ZBTB16: variants seen among roughly 807,000 people sequenced by gnomAD.
The protein encoded by ZBTB16 is zinc finger and BTB domain containing 16, also known as zinc finger and BTB domain-containing protein 16.
Under a neutral mutation model 56.8 loss-of-function variants are expected in ZBTB16, and 8 were observed. That is an observed-to-expected ratio of 0.14 (90% CI 0.08 to 0.25). ZBTB16 has a LOEUF of 0.25. Among genes scored for constraint, ZBTB16 ranks in the 10% least tolerant of loss-of-function variants. ZBTB16 has a pLI of 1.00. For synonymous variants in ZBTB16, 363 were observed against 368.5 expected, an observed-to-expected ratio of 0.98 and a Z score of 0.17; for missense variants, 625 against 903.0, an observed-to-expected ratio of 0.69 and a Z score of 3.95.
At chr11:114,217,841 G>A (rs2135144384) in intron 4 of ZBTB16, among the ~76,000 whole-genome samples, 1 of 152,300 alleles carries the variant, frequency 6.6e-6, no homozygotes, top group South Asian at 2.1e-4. Flanking sequence ...TAGGCTCCCT[G>A]GAAGGTGAGG....
rs953285337 is a variant in ZBTB16 at position 114,252,754 on chromosome 11, G to A, written c.*2199G>A. Among the ~76,000 whole-genome samples, 6 of 152,120 alleles carry A rather than the reference G, an allele frequency of 3.9e-5. No homozygotes were observed. The highest frequency in any genetic ancestry group is 2.1e-4 in the South Asian group (1 of 4,826). On this transcript the variant is annotated 3_prime_UTR_variant, in exon 7 of 7. Coordinates refer to ENST00000335953, the MANE Select transcript of ZBTB16 (RefSeq NM_006006.6). ...GGATCACGAGGAATGTAGGGAAGCC[G>A]GAGGGATGGGTGCTGCTGCGACGAC... is the stretch of plus-strand genomic sequence containing the variant.
At chr11:114,076,304 G>C (rs895949538) in intron 2 of ZBTB16, among the ~76,000 whole-genome samples, 4 of 152,192 alleles carry the variant, frequency 2.6e-5, no homozygotes, top group Admixed American at 1.3e-4. Flanking sequence ...CGAAGGACTA[G>C]AGTGGCCAGC....
intron 2 of ZBTB16, among the ~76,000 whole-genome samples, chr11:114,109,270 C>G (rs1055535335): frequency 1.3e-5 from 2 of 152,224 alleles, no homozygotes; most frequent in African/African-American, 4.8e-5. Context: ...ATAGAAAATG[C>G]TGGTTCCCCA....
chr11:114,236,748 A>G (rs1191377332), intron 4 of ZBTB16, among the ~76,000 whole-genome samples: 2 of 152,324 alleles, frequency 1.3e-5, no homozygotes, highest in African/African-American at 4.8e-5. Context: ...TTCAACATGC[A>G]GTTATTAAGT....
At chr11:114,216,892 C>T (rs1944113137) in intron 4 of ZBTB16, among the ~76,000 whole-genome samples, 1 of 152,118 alleles carries the variant, frequency 6.6e-6, no homozygotes. Flanking sequence ...GGAAGACAGA[C>T]ACATAAACAG....
intron 3 of ZBTB16, among the ~76,000 whole-genome samples, chr11:114,183,554 C>T (rs151249208): frequency 1.2e-4 from 18 of 152,344 alleles, no homozygotes; most frequent in Non-Finnish European, 2.6e-4. Context: ...GGGCTTCTCG[C>T]CGATTGGAGT....
chr11:114,063,865 A>G lies in ZBTB16; in HGVS notation c.565A>G (p.Thr189Ala), dbSNP rs111746546. The part of the protein sequence containing the change: ...PMVDQSPSVS[T>A]SFGLSAMSPT... The stretch of plus-strand genomic sequence containing the variant: ...GGTGGACCAGAGCCCTTCAGTCTCC[A>G]CTTCATTTGGTCTTTCAGCCATGAG... Residue 189 changes from threonine (T) to alanine (A), a missense_variant, in exon 2 of 7, where the codon ACT becomes GCT. By Grantham distance (58) the Thr-to-Ala change is moderately conservative (BLOSUM62 0). This residue lies in a region of ZBTB16 where 384 missense variants were observed against 393.5 expected (regional missense o/e 0.98). Coordinates refer to ENST00000335953, the MANE Select transcript of ZBTB16 (RefSeq NM_006006.6). This position sits in a 1 kb window ranked among gnomAD's most constrained non-coding sequence, Gnocchi z 6.5. 1.9e-4 allele frequency: 314 copies of G among 1,614,112 alleles called. 1 individual carries two copies. The highest frequency in any genetic ancestry group is 1.8e-3 in the Admixed American group (106 of 60,024).
Position 114,250,649 on chromosome 11 carries a change from G to T in ZBTB16, c.*94G>T. 3 of 1,004,530 alleles carry T rather than the reference G, an allele frequency of 3.0e-6. No individual in the cohort carries two copies. The highest frequency in any genetic ancestry group is 2.8e-6 in the Non-Finnish European group (2 of 716,800). The allele number at this position is 1,004,530 out of a possible 1,614,324, so 62.2% of individuals were successfully genotyped here. A position where few individuals can be genotyped will look rare whatever the true frequency, so the allele number is the denominator to read the frequency against. On this transcript the variant is annotated 3_prime_UTR_variant, in exon 7 of 7. Coordinates refer to ENST00000335953, the MANE Select transcript of ZBTB16 (RefSeq NM_006006.6). This position sits in a 1 kb window ranked among gnomAD's most constrained non-coding sequence, Gnocchi z 6.0. The stretch of plus-strand genomic sequence containing the variant: ...GACTATGACAAATAAAAAAGGAAAA[G>T]AAAAAAAAAAACAGAAGGAAAAGGA...
chr11:114,191,405 A>C (rs1943490588), intron 4 of ZBTB16, among the ~76,000 whole-genome samples: 2 of 152,348 alleles, frequency 1.3e-5, no homozygotes, highest in African/African-American at 4.8e-5. Context: ...TGTTTAGTAC[A>C]GTAGCATGCT....
At chr11:114,174,241 G>A (rs1443928186) in intron 3 of ZBTB16, among the ~76,000 whole-genome samples, 1 of 151,882 alleles carries the variant, frequency 6.6e-6, no homozygotes, top group Non-Finnish European at 1.5e-5. Context: ...GGAGGTGAGA[G>A]TTTTTCTTAA....
intron 2 of ZBTB16, among the ~76,000 whole-genome samples, chr11:114,130,770 T>G (rs1941638475): frequency 6.6e-6 from 1 of 152,228 alleles, no homozygotes; most frequent in Non-Finnish European, 1.5e-5. Flanking sequence ...TTTATGAGGC[T>G]AAGTAAGCGT....
intron 5 of ZBTB16, among the ~76,000 whole-genome samples, chr11:114,244,308 A>C (rs1944772280): frequency 6.7e-6 from 1 of 148,266 alleles, no homozygotes; most frequent in Non-Finnish European, 1.5e-5. Context: ...TGGGGTGGGG[A>C]GGACGACAGA....
intron 2 of ZBTB16, among the ~76,000 whole-genome samples, chr11:114,135,034 G>A (rs995680077): frequency 2.6e-5 from 4 of 152,210 alleles, no homozygotes; most frequent in Non-Finnish European, 4.4e-5. Context: ...AATGCATATA[G>A]GCTGTAGTTC....
At chr11:114,087,359 C>T (rs762994506) in intron 2 of ZBTB16, among the ~76,000 whole-genome samples, 3 of 152,168 alleles carry the variant, frequency 2.0e-5, no homozygotes, top group Non-Finnish European at 2.9e-5. Flanking sequence ...TCTTGTGTTT[C>T]ACACATTCTT....
In ZBTB16 at chr11:114,230,346, C is replaced by T. The variant is rs374161547; in HGVS notation, c.1454-11821C>T. On this transcript the variant is annotated intron_variant, in intron 4 of 6. Coordinates refer to ENST00000335953, the MANE Select transcript of ZBTB16 (RefSeq NM_006006.6). ...GTTGCTAAGACCAACTCCATGAGCT[C>T]GACCTGCCCTGCCCTCATTCTTGGT... Among the ~76,000 whole-genome samples, 15 of 152,262 alleles carry T rather than the reference C, an allele frequency of 9.9e-5. No homozygotes were observed. The East Asian group carries it at 2.5e-3, about 26-fold the overall frequency.
At position 114,255,305 on chromosome 11, in the gene ZBTB16, A is replaced by G. The variant is rs557536808; in HGVS notation, c.*4750A>G. Among the ~76,000 whole-genome samples, 3 of 152,134 alleles carry G rather than the reference A, an allele frequency of 2.0e-5. No homozygotes were observed. Among genetic ancestry groups the G allele is most frequent in the Admixed American group, 6.6e-5 (1 of 15,264 alleles). ...ACAGAATAGTGTTTTTAATTCATCA[A>G]TGTTCTAGTTAATGTCTACCTCAGC... On this transcript the variant is annotated 3_prime_UTR_variant, in exon 7 of 7. Transcript: ENST00000335953.
intron 2 of ZBTB16, among the ~76,000 whole-genome samples, chr11:114,107,306 A>G (rs238922): frequency 0.12 from 18,343 of 152,174 alleles, 3,225 homozygotes; most frequent in African/African-American, 0.39. Flanking sequence ...GATATCCAGA[A>G]AAGAACTTTT....
intron 2 of ZBTB16, among the ~76,000 whole-genome samples, chr11:114,101,031 T>C (rs1291703007): frequency 1.3e-5 from 2 of 152,044 alleles, no homozygotes; most frequent in Non-Finnish European, 1.5e-5. Context: ...GACAGGGTCT[T>C]ACTCTGTTGC....
intron 2 of ZBTB16, among the ~76,000 whole-genome samples, chr11:114,100,672 C>T (rs912005893): frequency 1.3e-5 from 2 of 152,090 alleles, no homozygotes; most frequent in South Asian, 2.1e-4. Context: ...TTTCCTCTTG[C>T]GTTTACTCAG....
Sources: allele counts gnomAD v4.1 joint callset (sites outside exome capture counted in the v4.1 genomes callset), GRCh38; gene constraint gnomAD v4.1.1; regional missense constraint gnomAD v4.1.1; non-coding constraint Gnocchi (gnomAD v3.1); transcripts MANE v1.5; gene names NCBI Gene and HGNC (gene_info 2026-07-23, HGNC 2026-07-21).